The following SLC9A9 variants were observed in gnomAD, a reference collection of about 807,000 sequenced individuals.
SLC9A9 encodes sodium/hydrogen exchanger 9.
SLC9A9 carries 62 observed loss-of-function variants against 77.8 expected under a neutral mutation model. The observed-to-expected ratio is 0.80, with a 90% CI of 0.65 to 0.98. SLC9A9 has a LOEUF of 0.98. SLC9A9 is among the 50% of genes least tolerant of loss of function. The pLI is 0.00. For missense variants in SLC9A9, 775 were observed against 774.9 expected (o/e 1.00, Z 0.00); for synonymous variants, 320 against 283.5 (o/e 1.13, Z -1.29).
chr3:143,640,019 CTTTT>C (rs10575577), intron 6 of SLC9A9, among the ~76,000 whole-genome samples: 1 of 124,148 alleles, frequency 8.1e-6, no homozygotes, highest in African/African-American at 3.1e-5. Flanking sequence ...CTTTTTTTTT[CTTTT>C]TTTTTTTTTT....
chr3:143,417,078 A>G (rs964213527), intron 12 of SLC9A9, among the ~76,000 whole-genome samples: 1 of 152,130 alleles, frequency 6.6e-6, no homozygotes, highest in Non-Finnish European at 1.5e-5. Context: ...CAATCAGTCT[A>G]AAGAGAGATA....
intron 6 of SLC9A9, 86 bp from the exon 7 acceptor site, chr3:143,578,809 T>A: frequency 6.7e-7 from 1 of 1,493,250 alleles, no homozygotes; most frequent in Non-Finnish European, 9.3e-7. Context: ...GGGAGAGGTA[T>A]CTTTCCCTGT....
chr3:143,326,342 T>G (rs1249069169), intron 14 of SLC9A9, among the ~76,000 whole-genome samples: 2 of 152,218 alleles, frequency 1.3e-5, no homozygotes, highest in Non-Finnish European at 2.9e-5. Flanking sequence ...CTTAAAACTC[T>G]TTGATGGACA....
At chr3:143,644,311 T>C (rs1201386251) in intron 6 of SLC9A9, among the ~76,000 whole-genome samples, 1 of 152,228 alleles carries the variant, frequency 6.6e-6, no homozygotes, top group African/African-American at 2.4e-5. Context: ...ATTTCTTTTA[T>C]TTATTTTTGG....
chr3:143,554,418 C>G (rs968777055), intron 8 of SLC9A9, among the ~76,000 whole-genome samples: 2 of 152,132 alleles, frequency 1.3e-5, no homozygotes, highest in Admixed American at 1.3e-4. Flanking sequence ...AAGTGCACCT[C>G]TCACTGCAAA....
At chr3:143,391,376 C>T (rs1024499445) in intron 12 of SLC9A9, among the ~76,000 whole-genome samples, 5 of 152,256 alleles carry the variant, frequency 3.3e-5, no homozygotes, top group African/African-American at 1.2e-4. Flanking sequence ...TCCAACAGAC[C>T]TGCAGCTGAG....
chr3:143,549,486 A>G (rs1380578450), intron 9 of SLC9A9, among the ~76,000 whole-genome samples: 1 of 152,228 alleles, frequency 6.6e-6, no homozygotes, highest in African/African-American at 2.4e-5. Context: ...GCATTTATTA[A>G]GCTTCTGCTA....
At chr3:143,555,999 A>C (rs950032067) in intron 8 of SLC9A9, among the ~76,000 whole-genome samples, 11 of 152,252 alleles carry the variant, frequency 7.2e-5, no homozygotes, top group African/African-American at 2.2e-4. Flanking sequence ...CACACAAATT[A>C]CTGTAATTAG....
intron 14 of SLC9A9, among the ~76,000 whole-genome samples, chr3:143,309,241 G>A (rs1227138482): frequency 3.3e-5 from 5 of 152,142 alleles, no homozygotes; most frequent in Non-Finnish European, 5.9e-5. Context: ...GCTTGGGAAG[G>A]TGGAATGACT....
At chr3:143,333,225 AACC>A (rs2031828029) in intron 14 of SLC9A9, among the ~76,000 whole-genome samples, 2 of 151,120 alleles carry the variant, frequency 1.3e-5, no homozygotes, top group African/African-American at 2.4e-5. Context: ...CAGTACCAAG[AACC>A]ACCACCTCCC....
intron 11 of SLC9A9, among the ~76,000 whole-genome samples, chr3:143,482,837 T>A (rs1348914047): frequency 6.6e-6 from 1 of 152,242 alleles, no homozygotes; most frequent in Non-Finnish European, 1.5e-5. Flanking sequence ...CAACAGAGTG[T>A]TGCCTTTTTG....
At chr3:143,704,005 T>C (rs907978924) in intron 4 of SLC9A9, among the ~76,000 whole-genome samples, 2 of 152,120 alleles carry the variant, frequency 1.3e-5, no homozygotes, top group African/African-American at 4.8e-5. Flanking sequence ...CTACCAAACT[T>C]GAACCTTGAA....
intron 14 of SLC9A9, among the ~76,000 whole-genome samples, chr3:143,339,251 G>A (rs565266944): frequency 1.3e-5 from 2 of 152,290 alleles, no homozygotes; most frequent in South Asian, 4.1e-4. Flanking sequence ...TCCTCCTGGT[G>A]TGGAGGTTCA....
chr3:143,743,722 A>G (rs1187181371), intron 4 of SLC9A9, among the ~76,000 whole-genome samples: 1 of 152,170 alleles, frequency 6.6e-6, no homozygotes, highest in Non-Finnish European at 1.5e-5. Context: ...CCCTAGAAAT[A>G]ATGCTTTATC....
intron 11 of SLC9A9, among the ~76,000 whole-genome samples, chr3:143,486,195 A>G (rs530127946): frequency 6.6e-6 from 1 of 152,322 alleles, no homozygotes; most frequent in Admixed American, 6.5e-5. Context: ...CAAGATTTCT[A>G]TATGTGGCAA....
chr3:143,805,640 C>T (rs1372946322), intron 2 of SLC9A9, among the ~76,000 whole-genome samples: 1 of 152,050 alleles, frequency 6.6e-6, no homozygotes, highest in Non-Finnish European at 1.5e-5. Flanking sequence ...ATGGCCCATT[C>T]CTGCCTTAAC....
intron 12 of SLC9A9, among the ~76,000 whole-genome samples, chr3:143,449,981 T>C (rs1184159964): frequency 3.3e-5 from 2 of 60,142 alleles, no homozygotes; most frequent in Non-Finnish European, 5.0e-5. Context: ...ATATATATTA[T>C]ATGTATATAT....
chr3:143,266,964 G>T, intron 15 of SLC9A9, 35 bp from the exon 16 acceptor site: 1 of 1,597,536 alleles, frequency 6.3e-7, no homozygotes, highest in Non-Finnish European at 8.6e-7. Context: ...GTCACTTCAT[G>T]ATGAAGGCAG....
intron 6 of SLC9A9, among the ~76,000 whole-genome samples, chr3:143,631,633 T>G (rs1193769485): frequency 6.6e-6 from 1 of 152,066 alleles, no homozygotes; most frequent in Non-Finnish European, 1.5e-5. Flanking sequence ...CAATACCCCA[T>G]AGCAAATGGT....
Sources: allele counts gnomAD v4.1 joint callset (sites outside exome capture counted in the v4.1 genomes callset), GRCh38; gene constraint gnomAD v4.1.1; transcripts MANE v1.5; gene names NCBI Gene and HGNC (gene_info 2026-07-23, HGNC 2026-07-21).